Variants in KRT76 observed in about 807,000 individuals in gnomAD.
KRT76 encodes keratin, type II cytoskeletal 2 oral.
KRT76 carries 47 observed loss-of-function variants against 44.9 expected under a neutral mutation model. The ratio of observed to expected loss-of-function variants is 1.05; its 90% CI spans 0.83 to 1.33. KRT76 has a LOEUF of 1.33. Ranked by LOEUF, KRT76 falls within the 40% of genes most tolerant of loss-of-function variation. The pLI, the probability that KRT76 is intolerant of heterozygous loss-of-function variation, is 0.00. For missense variants in KRT76, 860 were observed against 775.8 expected, an observed-to-expected ratio of 1.11 and a Z score of -1.29; for synonymous variants, 331 against 294.1, an observed-to-expected ratio of 1.13 and a Z score of -1.28.
At chr12:52,772,373 T>G (rs1939199937) in intron 4 of KRT76, 115 bp from the exon 5 acceptor site, 3 of 1,042,378 alleles carry the variant, frequency 2.9e-6, no homozygotes, top group Non-Finnish European at 4.1e-6. Flanking sequence ...GTTGGAAAAA[T>G]AAGCTCACAT....
At position 52,777,182 on chromosome 12, in the gene KRT76, C is replaced by T. The variant is rs775280526; in HGVS notation, c.110G>A (p.Gly37Glu). 1 of 1,614,116 alleles carries T rather than the reference C, an allele frequency of 6.2e-7. No individual in the cohort carries two copies. Among genetic ancestry groups the T allele is most frequent in the Admixed American group, 1.7e-5 (1 of 60,016 alleles). Residue 37 changes from glycine (G) to glutamate (E), a missense_variant, in exon 1 of 9, where the codon GGG (glycine) becomes GAG (glutamate). Gly to Glu is a moderately conservative substitution (Grantham distance 98). Coordinates refer to ENST00000332411, the MANE Select transcript of KRT76 (RefSeq NM_015848.4). ...SSRMSCVARS[G>E]GAGGGACGFR... ...GCCACAGGCCCCTCCACCAGCTCCC[C>T]CAGAGCGGGCCACACAGCTCATCCT...
chr12:52,771,561 G>A (rs1939182252), intron 6 of KRT76, among the ~76,000 whole-genome samples: 1 of 152,192 alleles, frequency 6.6e-6, no homozygotes, highest in Non-Finnish European at 1.5e-5. Context: ...TCAAGGTTAT[G>A]TGAAAGGTGT....
chr12:52,774,366 T>G (rs1343906071), intron 2 of KRT76, among the ~76,000 whole-genome samples: 2 of 152,202 alleles, frequency 1.3e-5, no homozygotes, highest in Non-Finnish European at 2.9e-5. Context: ...TGGAACCCAG[T>G]GAAATGTGTG....
Position 52,771,207 on chromosome 12 carries a change from G to T in KRT76, c.1276C>A (p.Gln426Lys), listed in dbSNP as rs1353925366. ...ENVKKQNANL[Q>K]TAIAEAEQRG... ...TGCTCAGCCTCTGCAATTGCCGTCT[G>T]CAGGTTGGCATTCTGAGGTAGAAAA... Residue 426 changes from glutamine to lysine, a missense_variant, in exon 7 of 9, where the codon CAG (glutamine) becomes AAG (lysine). Coordinates refer to ENST00000332411, the MANE Select transcript of KRT76 (RefSeq NM_015848.4). The T allele has an allele frequency of 6.2e-7, 1 of 1,614,144 alleles. No individual in the cohort carries two copies. The highest frequency in any genetic ancestry group is 8.5e-7 in the Non-Finnish European group (1 of 1,180,022).
Position 52,768,370 on chromosome 12 carries a change from G to A in KRT76, c.*343C>T. The stretch of plus-strand genomic sequence containing the variant: ...TCCTCAGACAGTGCTGAGATGACTG[G>A]CTTCAAATCTCCAACTCCCAGTAAG... On this transcript the variant is annotated 3_prime_UTR_variant, in exon 9 of 9. Transcript: ENST00000332411. The A allele has an allele frequency of 4.1e-6, 1 of 245,904 alleles. No individual in the cohort carries two copies. Among genetic ancestry groups the A allele is most frequent in the Non-Finnish European group, 7.9e-6 (1 of 126,268 alleles). 15.2% of individuals were successfully genotyped at this position (245,904 alleles called of 1,614,324 possible).
intron 7 of KRT76, among the ~76,000 whole-genome samples, chr12:52,770,327 C>T (rs1304215730): frequency 6.6e-6 from 1 of 152,232 alleles, no homozygotes; most frequent in African/African-American, 2.4e-5. Context: ...GTTAGCTACT[C>T]CCTGAGCACA....
chr12:52,769,565 C>T lies in KRT76; in HGVS notation c.1503G>A (p.Gln501=), dbSNP rs141337176. ...GCTACTTACAAATGCACACGGCACT[C>T]TGACATTCTCCAGACATCCTGAAAA... ...GEECRMSGEC[Q]SAVCISVVSN... is the part of the protein sequence containing the mutation. Residue 501 remains glutamine (Q), a synonymous_variant, in exon 8 of 9, where the codon CAG becomes CAA. Coordinates refer to ENST00000332411, the MANE Select transcript of KRT76 (RefSeq NM_015848.4). 17 of 1,613,828 alleles carry T rather than the reference C, an allele frequency of 1.1e-5. No individual in the cohort carries two copies. In the African/African-American group the frequency reaches 2.3e-4, roughly 22 times the overall value.
intron 2 of KRT76, 108 bp from the exon 3 acceptor site, chr12:52,773,750 A>G (rs1939221270): frequency 3.7e-6 from 3 of 805,752 alleles, no homozygotes; most frequent in Non-Finnish European, 6.1e-6. Flanking sequence ...GACGAGCTTC[A>G]TGGGCACGTG....
chr12:52,770,481 T>C (rs1033327605), intron 7 of KRT76, among the ~76,000 whole-genome samples: 1 of 152,236 alleles, frequency 6.6e-6, no homozygotes, highest in African/African-American at 2.4e-5. Flanking sequence ...CGTCTCCCCA[T>C]ATGGACTCAG....
At position 52,772,850 on chromosome 12, in the gene KRT76, A is replaced by G; in HGVS notation, c.905T>C (p.Val302Ala). 1 of 1,614,082 alleles carries G rather than the reference A, an allele frequency of 6.2e-7. No individual in the cohort carries two copies. The highest frequency in any genetic ancestry group is 1.7e-4 in the Middle Eastern group (1 of 6,058). Residue 302 changes from valine (V) to alanine (A), a missense_variant, in exon 4 of 9, where the codon GTG becomes GCG. Coordinates refer to ENST00000332411, the MANE Select transcript of KRT76 (RefSeq NM_015848.4). ...GCTGTCCACTTTGGCCTGCAGCTCCACCTTGTTCATGAAAGCCGCATCCAC... is the reference window on the plus strand; with the variant it reads ...GCTGTCCACTTTGGCCTGCAGCTCCGCCTTGTTCATGAAAGCCGCATCCAC... ...KDVDAAFMNK[V>A]ELQAKVDSLT... is the part of the protein sequence containing the mutation.
chr12:52,775,269 A>G (rs1178311258), intron 2 of KRT76, 119 bp downstream of exon 2: 4 of 877,362 alleles, frequency 4.6e-6, no homozygotes, highest in Non-Finnish European at 7.3e-6. Flanking sequence ...GTTTCACTCA[A>G]TAAATCCATC....
At position 52,775,406 on chromosome 12, in the gene KRT76, A is replaced by G. The variant is rs756715063; in HGVS notation, c.797T>C (p.Val266Ala). Reference protein sequence around the residue: ...EGELKSMQDLVEDFKKKYEDE... With the variant: ...EGELKSMQDLAEDFKKKYEDE... The stretch of plus-strand genomic sequence containing the variant: ...CCCTCACTTCTTTTTGAAGTCTTCC[A>G]CCAGGTCCTGCATGCTTTTCAGCTC... The change falls in exon 2 of 9, where the codon GTG (valine) becomes GCG (alanine). Residue 266 changes from valine to alanine, a missense_variant. By Grantham distance (64) the Val-to-Ala change is moderately conservative (BLOSUM62 0). Transcript: ENST00000332411. 10 of 1,614,038 alleles carry G rather than the reference A, an allele frequency of 6.2e-6. No homozygotes were observed. The highest frequency in any genetic ancestry group is 8.5e-6 in the Non-Finnish European group (10 of 1,180,004).
At position 52,768,310 on chromosome 12, in the gene KRT76, G is replaced by T; in HGVS notation, c.*403C>A. 1 of 166,308 alleles carries T rather than the reference G, an allele frequency of 6.0e-6. No homozygotes were observed. The highest frequency in any genetic ancestry group is 1.3e-5 in the Non-Finnish European group (1 of 77,424). The allele number at this position is 166,308 out of a possible 1,614,324, so 10.3% of individuals were successfully genotyped here. On this transcript the variant is annotated 3_prime_UTR_variant, in exon 9 of 9. Coordinates refer to ENST00000332411, the MANE Select transcript of KRT76 (RefSeq NM_015848.4). ...AACCAGCAGTCTGGAGATCTTGGCCGTGCACCCTCCAGCACAGAACCCATG... is the reference window on the plus strand; with the variant it reads ...AACCAGCAGTCTGGAGATCTTGGCCTTGCACCCTCCAGCACAGAACCCATG...
In KRT76 at chr12:52,768,899, C is replaced by G; in HGVS notation, c.1731G>C (p.Gln577His). The G allele has an allele frequency of 6.2e-7, 1 of 1,611,392 alleles. No individual in the cohort carries two copies. Among genetic ancestry groups the G allele is most frequent in the South Asian group, 1.1e-5 (1 of 90,976 alleles). Residue 577 changes from glutamine (Q) to histidine (H), a missense_variant, in exon 9 of 9, where the codon CAG becomes CAC. Coordinates refer to ENST00000332411, the MANE Select transcript of KRT76 (RefSeq NM_015848.4). ...CGAGCCTGCTCCCACTACTGCTGCTCTGGTAGCTCCCGCTGCTACCCCTGC... is the reference window on the plus strand; with the variant it reads ...CGAGCCTGCTCCCACTACTGCTGCTGTGGTAGCTCCCGCTGCTACCCCTGC... Reference protein sequence around the residue: ...TGGRGSSGSYQSSSSGSRLGG... With the variant: ...TGGRGSSGSYHSSSSGSRLGG...
chr12:52,770,188 A>G (rs1939157801), intron 7 of KRT76, among the ~76,000 whole-genome samples: 1 of 152,154 alleles, frequency 6.6e-6, no homozygotes, highest in African/African-American at 2.4e-5. Context: ...ATGTGTGCCC[A>G]CTGGTGTTGA....
intron 1 of KRT76, among the ~76,000 whole-genome samples, chr12:52,776,202 G>A (rs574915069): frequency 6.6e-6 from 1 of 152,150 alleles, no homozygotes; most frequent in Non-Finnish European, 1.5e-5. Context: ...ACCCTCCTCT[G>A]CCCCAGCATG....
chr12:52,773,527 C>T, intron 3 of KRT76, 55 bp downstream of exon 3: 1 of 1,370,318 alleles, frequency 7.3e-7, no homozygotes, highest in Non-Finnish European at 1.0e-6. Flanking sequence ...GCACTCTCTC[C>T]ATGGGGGCAG....
rs750238757 is a variant in KRT76, at chr12:52,768,874, C to T, written c.1756G>A (p.Gly586Ser). 3.1e-5 allele frequency: 50 copies of T among 1,613,566 alleles called. No homozygotes were observed. The Admixed American group carries it at 4.7e-4, about 15-fold the overall frequency. The change falls in exon 9 of 9, where the codon GGC (glycine) becomes AGC (serine). Residue 586 changes from glycine to serine, a missense_variant. Transcript: ENST00000332411. ...CTCACGGAGATGCTACCTGCACCGC[C>T]GAGCCTGCTCCCACTACTGCTGCTC... is the stretch of plus-strand genomic sequence containing the variant. ...YQSSSSGSRL[G>S]GAGSISVSHS...
chr12:52,776,733 T>G lies in KRT76; in HGVS notation c.559A>C (p.Ile187Leu). Reference protein sequence around the residue: ...GQVKAQEREQIKTLNNKFASF... With the variant: ...GQVKAQEREQLKTLNNKFASF... ...GCAAACTTGTTGTTGAGGGTCTTGATCTGTTCCCGCTCCTGGGCCTTTACT... is the reference window on the plus strand; with the variant it reads ...GCAAACTTGTTGTTGAGGGTCTTGAGCTGTTCCCGCTCCTGGGCCTTTACT... Residue 187 changes from isoleucine (I) to leucine (L), a missense_variant, in exon 1 of 9, where the codon ATC becomes CTC. Ile to Leu is a conservative substitution (Grantham distance 5). Coordinates refer to ENST00000332411, the MANE Select transcript of KRT76 (RefSeq NM_015848.4). 1 of 1,614,166 alleles carries G rather than the reference T, an allele frequency of 6.2e-7. No individual in the cohort carries two copies. Among genetic ancestry groups the G allele is most frequent in the Non-Finnish European group, 8.5e-7 (1 of 1,180,036 alleles).
Sources: gnomAD v4.1 joint callset for allele counts (sites outside exome capture counted in the v4.1 genomes callset) on GRCh38, gnomAD v4.1.1 for gene constraint, MANE v1.5 for transcripts, NCBI Gene and HGNC (gene_info 2026-07-23, HGNC 2026-07-21) for gene names.